NOB1: variants seen among roughly 807,000 people sequenced by gnomAD.
The protein encoded by NOB1 is RNA-binding protein NOB1.
A neutral mutation model predicts 44.8 loss-of-function variants in NOB1; 44 were observed. The observed-to-expected ratio is 0.98, with a 90% CI of 0.77 to 1.26. The LOEUF (loss-of-function observed/expected upper bound fraction) is 1.26. Ranked by LOEUF, NOB1 falls within the 50% of genes most tolerant of loss-of-function variation. NOB1 has a pLI of 0.00. For missense variants in NOB1, 560 were observed against 544.8 expected, an observed-to-expected ratio of 1.03 and a Z score of -0.28; for synonymous variants, 238 against 218.7, an observed-to-expected ratio of 1.09 and a Z score of -0.78.
chr16:69,748,615 G>T (rs1051004458), intron 6 of NOB1: 5 of 528,280 alleles, frequency 9.5e-6, no homozygotes, highest in Admixed American at 7.2e-5. Flanking sequence ...TTGCTGGGCT[G>T]AAAACCCTCT....
In NOB1 at chr16:69,750,149, G is replaced by A. The variant is rs899813620; in HGVS notation, c.328-519C>T. Among the ~76,000 whole-genome samples, 4 of 151,538 alleles carry A rather than the reference G, an allele frequency of 2.6e-5. No individual in the cohort carries two copies. The East Asian group carries it at 7.9e-4, about 30-fold the overall frequency. On this transcript the variant is annotated intron_variant, in intron 3 of 8. Coordinates refer to ENST00000268802, the MANE Select transcript of NOB1 (RefSeq NM_014062.3). ...CTCCCAAGTAGCTGGGATTACAGGT[G>A]TGCGCCACCATGCCCCACTGATTTT...
chr16:69,747,473 T>A (rs959246023), intron 7 of NOB1, among the ~76,000 whole-genome samples: 1 of 152,156 alleles, frequency 6.6e-6, no homozygotes, highest in Non-Finnish European at 1.5e-5. Flanking sequence ...CTCTTCTTTT[T>A]GTAAACAGAA....
intron 8 of NOB1, among the ~76,000 whole-genome samples, chr16:69,743,547 C>T (rs1002263367): frequency 5.9e-5 from 9 of 152,196 alleles, no homozygotes; most frequent in Non-Finnish European, 8.8e-5. Flanking sequence ...TCACCTCTGG[C>T]GTGTTCCTGC....
Position 69,748,916 on chromosome 16 carries a change from A to G in NOB1, c.726+2T>C. 2 of 1,599,490 alleles carry G rather than the reference A, an allele frequency of 1.3e-6. No homozygotes were observed. The highest frequency in any genetic ancestry group is 1.7e-6 in the Non-Finnish European group (2 of 1,172,034). On this transcript the variant is annotated splice_donor_variant, in intron 6 of 8. Coordinates refer to ENST00000268802, the MANE Select transcript of NOB1 (RefSeq NM_014062.3). LOFTEE classifies it high-confidence loss of function. ...CACACGGCCCAGGCCCACCCTACCC[A>G]CCTGCATGGCGAAGTCTGTGGTCAG...
rs147206895 is a variant in NOB1 at position 69,744,939 on chromosome 16, G to A, written c.903C>T (p.Ser301=). ...AGTGCATGTGCAGGGTGCCGTCGTC[G>A]CTGACGGTCACGGACACTTTCTTCA... ...KTLKKVSVTV[S]DDGTLHMHFS... Residue 301 remains serine, a synonymous_variant, in exon 8 of 9, where the codon AGC becomes AGT. Coordinates refer to ENST00000268802, the MANE Select transcript of NOB1 (RefSeq NM_014062.3). The A allele has an allele frequency of 2.5e-6, 4 of 1,614,034 alleles. No individual in the cohort carries two copies. Among genetic ancestry groups the A allele is most frequent in the African/African-American group, 1.3e-5 (1 of 74,932 alleles).
At chr16:69,750,767 T>C (rs62050037) in intron 3 of NOB1, among the ~76,000 whole-genome samples, 49,200 of 152,056 alleles carry the variant, frequency 0.32, 9,525 homozygotes, top group Non-Finnish European at 0.43. Context: ...AGAGACCCCA[T>C]CTTTCTTAAA....
chr16:69,752,393 C>T (rs566404360), intron 2 of NOB1, 22 bp from the exon 3 acceptor site: 2 of 1,604,078 alleles, frequency 1.2e-6, no homozygotes, highest in East Asian at 2.2e-5. Flanking sequence ...AGATTTACAT[C>T]TTCAGTTAGA....
chr16:69,742,770 T>C (rs935707436), intron 8 of NOB1, among the ~76,000 whole-genome samples, 169 bp from the exon 9 acceptor site: 1 of 152,160 alleles, frequency 6.6e-6, no homozygotes, highest in Non-Finnish European at 1.5e-5. Flanking sequence ...GCCTCCCACC[T>C]GATTCCCACC....
At chr16:69,752,192 G>C (rs1479610748) in intron 3 of NOB1, 49 bp downstream of exon 3, 1 of 1,574,920 alleles carries the variant, frequency 6.3e-7, no homozygotes, top group Non-Finnish European at 8.7e-7. Flanking sequence ...TTGTATACCT[G>C]ACAGTTCCCA....
chr16:69,744,713 A>C (rs2038414141), intron 8 of NOB1, among the ~76,000 whole-genome samples, 160 bp downstream of exon 8: 1 of 152,210 alleles, frequency 6.6e-6, no homozygotes. Context: ...GCTTCTCATG[A>C]GATGGCATCT....
At chr16:69,745,301 G>A (rs1012824529) in intron 7 of NOB1, among the ~76,000 whole-genome samples, 1 of 152,194 alleles carries the variant, frequency 6.6e-6, no homozygotes, top group African/African-American at 2.4e-5. Context: ...GCCCTGTTCT[G>A]TAGGGTTCAC....
rs1358433967 is a variant in NOB1, at chr16:69,748,277, A to G, written c.779T>C (p.Ile260Thr). 4 of 1,614,108 alleles carry G rather than the reference A, an allele frequency of 2.5e-6. No individual in the cohort carries two copies. The highest frequency in any genetic ancestry group is 2.5e-6 in the Non-Finnish European group (3 of 1,179,960). ...LHVLAVNGML[I>T]REARSYILRC... ...CAAGATGTAGCTCCGGGCCTCACGAATCAGCATGCCGTTCACCGCCAGCAC... is the reference window on the plus strand; with the variant it reads ...CAAGATGTAGCTCCGGGCCTCACGAGTCAGCATGCCGTTCACCGCCAGCAC... The change falls in exon 7 of 9, where the codon ATT becomes ACT. Residue 260 changes from isoleucine to threonine, a missense_variant. By Grantham distance (89) the Ile-to-Thr change is moderately conservative (BLOSUM62 -1). Transcript: ENST00000268802.
In NOB1 at chr16:69,742,457, G is replaced by T. The variant is rs1189121083; in HGVS notation, c.1114C>A (p.Pro372Thr). Residue 372 changes from proline to threonine, a missense_variant, in exon 9 of 9, where the codon CCC becomes ACC. Coordinates refer to ENST00000268802, the MANE Select transcript of NOB1 (RefSeq NM_014062.3). ...FAPDYIAGVS[P>T]FVENDISSRS... ...CTGGAGATGTCATTCTCGACAAAGGGTGACACCCCGGCGATGTAGTCAGGG... is the reference window on the plus strand; with the variant it reads ...CTGGAGATGTCATTCTCGACAAAGGTTGACACCCCGGCGATGTAGTCAGGG... 3 of 1,614,270 alleles carry T rather than the reference G, an allele frequency of 1.9e-6. No individual in the cohort carries two copies. The highest frequency in any genetic ancestry group is 1.6e-4 in the Middle Eastern group (1 of 6,062).
In NOB1 at chr16:69,754,898, C is replaced by T. The variant is rs573473324; in HGVS notation, c.13G>A (p.Glu5Lys). The T allele has an allele frequency of 1.3e-6, 2 of 1,588,496 alleles. No homozygotes were observed. The highest frequency in any genetic ancestry group is 1.8e-5 in the Admixed American group (1 of 55,576). Residue 5 changes from glutamate to lysine, a missense_variant, in exon 1 of 9, where the codon GAG becomes AAG. Coordinates refer to ENST00000268802, the MANE Select transcript of NOB1 (RefSeq NM_014062.3). ...GCCCCAGCATCCGCCACAACGTGCTCCACTGGAGCCATGTTGGCTGCGTGA... is the reference window on the plus strand; with the variant it reads ...GCCCCAGCATCCGCCACAACGTGCTTCACTGGAGCCATGTTGGCTGCGTGA... MAPV[E>K]HVVADAGAFL... is the part of the protein sequence containing the mutation.
At position 69,742,478 on chromosome 16, in the gene NOB1, CA is replaced by C; in HGVS notation, c.1092del (p.Asp365ThrfsTer35). 2 of 1,614,232 alleles carry C rather than the reference CA, an allele frequency of 1.2e-6. No individual in the cohort carries two copies. The highest frequency in any genetic ancestry group is 1.7e-6 in the Non-Finnish European group (2 of 1,180,042). On this transcript the variant is annotated frameshift_variant, in exon 9 of 9. Coordinates refer to ENST00000268802, the MANE Select transcript of NOB1 (RefSeq NM_014062.3). LOFTEE classifies it high-confidence loss of function. ...AAGGGTGACACCCCGGCGATGTAGT[CA>C]GGGGCGAACACGTTGGTTTTCTGCC... ...KARQKTNVFA[P>X]DYIAGVSPFV... is the part of the protein sequence containing the mutation.
chr16:69,748,466 C>A (rs1214669007), intron 6 of NOB1, 137 bp from the exon 7 acceptor site: 1 of 707,484 alleles, frequency 1.4e-6, no homozygotes, highest in Non-Finnish European at 2.4e-6. Context: ...GGGGAGGCCT[C>A]TCAAGATGTG....
chr16:69,744,973 T>C lies in NOB1; in HGVS notation c.869A>G (p.Asn290Ser). 1 of 1,614,160 alleles carries C rather than the reference T, an allele frequency of 6.2e-7. No homozygotes were observed. Among genetic ancestry groups the C allele is most frequent in the Non-Finnish European group, 8.5e-7 (1 of 1,180,022 alleles). The change falls in exon 8 of 9, where the codon AAC becomes AGC. Residue 290 changes from asparagine to serine, a missense_variant. By Grantham distance (46) the Asn-to-Ser change is conservative. Coordinates refer to ENST00000268802, the MANE Select transcript of NOB1 (RefSeq NM_014062.3). ...MSRVFCSHCG[N>S]KTLKKVSVTV... The stretch of plus-strand genomic sequence containing the variant: ...CACGGACACTTTCTTCAGGGTCTTG[T>C]TCCCACAGTGTGAGCAGAACACTCG...
intron 6 of NOB1, among the ~76,000 whole-genome samples, chr16:69,748,578 T>G (rs1484909886): frequency 6.6e-6 from 1 of 152,196 alleles, no homozygotes; most frequent in Non-Finnish European, 1.5e-5. Context: ...AACAGACATT[T>G]TATTTTGTCT....
rs754016683 is a variant in NOB1 at position 69,754,651 on chromosome 16, C to T, written c.139G>A (p.Ala47Thr). The T allele has an allele frequency of 9.9e-6, 16 of 1,614,066 alleles. No homozygotes were observed. The highest frequency in any genetic ancestry group is 2.7e-5 in the African/African-American group (2 of 74,944). The part of the protein sequence containing the change: ...IRDKATRRRL[A>T]VLPYELRFKE... Reference sequence around the variant, plus strand: ...AACCGCAGCTCGTAGGGCAGGACAGCGAGCCGCCTGCGTGTGGCCTTGTCC... The same window carrying T: ...AACCGCAGCTCGTAGGGCAGGACAGTGAGCCGCCTGCGTGTGGCCTTGTCC... The change falls in exon 2 of 9, where the codon GCT (alanine) becomes ACT (threonine). Residue 47 changes from alanine to threonine, a missense_variant. Ala to Thr is a moderately conservative substitution (Grantham distance 58). Transcript: ENST00000268802.
Sources: allele counts gnomAD v4.1 joint callset (sites outside exome capture counted in the v4.1 genomes callset), GRCh38; gene constraint gnomAD v4.1.1; transcripts MANE v1.5; gene names NCBI Gene and HGNC (gene_info 2026-07-23, HGNC 2026-07-21).